The following SLC2A11 variants were observed in gnomAD, a reference collection of about 807,000 sequenced individuals.
SLC2A11 encodes solute carrier family 2 member 11, also known as solute carrier family 2, facilitated glucose transporter member 11.
A neutral mutation model predicts 52.1 loss-of-function variants in SLC2A11; 43 were observed. The observed-to-expected ratio is 0.82, with a 90% confidence interval of 0.65 to 1.06. The LOEUF (loss-of-function observed/expected upper bound fraction) is 1.06. Among genes scored for constraint, SLC2A11 ranks in the 50% least tolerant of loss-of-function variants. The pLI, the probability that SLC2A11 is intolerant of heterozygous loss-of-function variation, is 0.00. For missense variants in SLC2A11, 582 were observed against 654.2 expected (o/e 0.89, Z 1.20); for synonymous variants, 261 against 277.6 (o/e 0.94, Z 0.59).
At chr22:23,867,145 A>G (rs2032292540) in intron 2 of SLC2A11, 1 of 152,590 alleles carries the variant, frequency 6.6e-6, no homozygotes, top group African/African-American at 2.4e-5. Flanking sequence ...TATAATAAGA[A>G]ATATAATAGA....
rs1367729913 is a variant in SLC2A11 at position 23,884,046 on chromosome 22, T to C, written c.1171+22T>C. On this transcript the variant is annotated intron_variant, in intron 10 of 11. Coordinates refer to ENST00000316185, the MANE Select transcript of SLC2A11 (RefSeq NM_001024939.4). The surrounding 1 kb of genome is among the most constrained non-coding windows in gnomAD (Gnocchi z 4.3). ...CCTGGTGAGTGGGCCCAAGGGGCTCTGGGCATCCATCATCACATAGAAGGA... is the reference window on the plus strand; with the variant it reads ...CCTGGTGAGTGGGCCCAAGGGGCTCCGGGCATCCATCATCACATAGAAGGA... The C allele has an allele frequency of 6.2e-7, 1 of 1,606,616 alleles. No individual in the cohort carries two copies. Among genetic ancestry groups the C allele is most frequent in the Middle Eastern group, 1.7e-4 (1 of 6,012 alleles).
intron 2 of SLC2A11, 172 bp from the exon 3 acceptor site, chr22:23,868,309 G>C: frequency 1.5e-6 from 1 of 673,178 alleles, no homozygotes; most frequent in Non-Finnish European, 2.5e-6. Context: ...CCCTGCACAA[G>C]GGAGGTGCTC....
upstream of SLC2A11, chr22:23,857,267 A>G (rs897547757): frequency 1.3e-5 from 10 of 758,364 alleles, no homozygotes; most frequent in African/African-American, 1.6e-4. Flanking sequence ...TAGTCCAGAG[A>G]CTGTAGCAAA....
rs149170664 is a variant in SLC2A11, at chr22:23,884,148, C to T, written c.1171+124C>T. The T allele has an allele frequency of 5.2e-4, 773 of 1,488,296 alleles. 6 individuals are homozygous for T. The East Asian group carries it at 7.8e-3, about 15-fold the overall frequency. The allele number at this position is 1,488,296 out of a possible 1,614,324, so 92.2% of individuals were successfully genotyped here. A position where few individuals can be genotyped will look rare whatever the true frequency, so the allele number is the denominator to read the frequency against. On this transcript the variant is annotated intron_variant, in intron 10 of 11. Coordinates refer to ENST00000316185, the MANE Select transcript of SLC2A11 (RefSeq NM_001024939.4). The surrounding 1 kb of genome is among the most constrained non-coding windows in gnomAD (Gnocchi z 4.3). ...CAGGCCCTCAGAGACCACCTCATGCCGGGGCTTCTGGGAGGGAATGGCAGG... is the reference window on the plus strand; with the variant it reads ...CAGGCCCTCAGAGACCACCTCATGCTGGGGCTTCTGGGAGGGAATGGCAGG...
rs755650171 is a variant in SLC2A11 at position 23,882,634 on chromosome 22, C to T, written c.870C>T (p.Cys290=). ...LVVLGSAMEL[C]GNDSVYAYAS... ...TTCTGGGCAGTGCCATGGAGCTCTG[C>T]GGGAATGACTCGGTGAGACCCCTGC... Residue 290 remains cysteine (C), a synonymous_variant, in exon 7 of 12, where the codon TGC becomes TGT. Transcript: ENST00000316185. 57 of 1,612,020 alleles carry T rather than the reference C, an allele frequency of 3.5e-5. No individual in the cohort carries two copies. The highest frequency in any genetic ancestry group is 4.4e-5 in the Non-Finnish European group (52 of 1,179,178).
intron 1 of SLC2A11, chr22:23,858,256 C>T (rs896991145): frequency 2.9e-6 from 2 of 698,926 alleles, no homozygotes; most frequent in African/African-American, 1.8e-5. Context: ...TGGACCCTGG[C>T]ATCCCAGCCC....
At chr22:23,867,356 A>ATT (rs980736708) in intron 2 of SLC2A11, 76 of 152,834 alleles carry the variant, frequency 5.0e-4, no homozygotes, top group African/African-American at 1.4e-3. Context: ...CACCTGGCTA[A>ATT]TTTTTTTTTT....
chr22:23,883,675 C>T (rs991163647), intron 8 of SLC2A11, 97 bp from the exon 9 acceptor site: 27 of 1,013,106 alleles, frequency 2.7e-5, no homozygotes, highest in Non-Finnish European at 3.5e-5. Flanking sequence ...ACCCTCACCT[C>T]CACCACCAGC....
In SLC2A11 at chr22:23,860,158, C is replaced by T. The variant is rs534497549; in HGVS notation, c.31-1946C>T. On this transcript the variant is annotated intron_variant, in intron 1 of 11. Coordinates refer to ENST00000316185, the MANE Select transcript of SLC2A11 (RefSeq NM_001024939.4). ...AGAGTGGGCTGGGTATGGTGGCTCA[C>T]GCCTGTAATCCTACCACTTTGGGAG... Among the ~76,000 whole-genome samples the T allele has an allele frequency of 5.3e-5, 8 of 152,270 alleles. No homozygotes were observed. The South Asian group carries it at 6.2e-4, about 12-fold the overall frequency.
At chr22:23,876,324 T>C (rs2146131122) in intron 4 of SLC2A11, among the ~76,000 whole-genome samples, 1 of 152,140 alleles carries the variant, frequency 6.6e-6, no homozygotes, top group East Asian at 1.9e-4. Flanking sequence ...GCTAAATGTT[T>C]GTAGGAAGAG....
intron 6 of SLC2A11, 190 bp from the exon 7 acceptor site, chr22:23,882,269 G>GAC: frequency 1.8e-6 from 1 of 548,520 alleles, no homozygotes; most frequent in Non-Finnish European, 3.2e-6. Flanking sequence ...CACACACAGA[G>GAC]ACACACACAG....
chr22:23,878,852 T>C (rs2032710644), intron 6 of SLC2A11, among the ~76,000 whole-genome samples: 1 of 152,226 alleles, frequency 6.6e-6, no homozygotes, highest in Non-Finnish European at 1.5e-5. Context: ...ATATGGGCCT[T>C]TTCTTGATCC....
chr22:23,877,274 T>A, intron 5 of SLC2A11, 103 bp downstream of exon 5: 3 of 1,544,658 alleles, frequency 1.9e-6, no homozygotes, highest in Non-Finnish European at 2.7e-6. Context: ...TAAAGCATTA[T>A]TGCTTTGCAT....
intron 4 of SLC2A11, 120 bp downstream of exon 4, chr22:23,875,361 T>G (rs1273122536): frequency 2.6e-5 from 30 of 1,155,476 alleles, no homozygotes; most frequent in Non-Finnish European, 3.2e-5. Flanking sequence ...TATTTTTTAT[T>G]TATGCCTACC....
At chr22:23,877,299 CTCTA>C in intron 5 of SLC2A11, 128 bp downstream of exon 5, 1 of 1,482,042 alleles carries the variant, frequency 6.7e-7, no homozygotes. Flanking sequence ...GCATCGAATC[CTCTA>C]TCCACATCTC....
At chr22:23,860,306 TG>T (rs1210952251) in intron 1 of SLC2A11, among the ~76,000 whole-genome samples, 1 of 151,938 alleles carries the variant, frequency 6.6e-6, no homozygotes, top group Admixed American at 6.6e-5. Context: ...CCCAGCTACT[TG>T]GGGGGCTGAG....
intron 6 of SLC2A11, among the ~76,000 whole-genome samples, chr22:23,879,187 C>T (rs1409748358): frequency 6.6e-6 from 1 of 152,102 alleles, no homozygotes; most frequent in Non-Finnish European, 1.5e-5. Context: ...CTTGTCCAGG[C>T]TGGAGTGCTG....
At chr22:23,857,755 G>A (rs2031901136), upstream of SLC2A11, 3 of 1,364,564 alleles carry the variant, frequency 2.2e-6, no homozygotes, top group Admixed American at 8.2e-5. Flanking sequence ...CCCGGCCATC[G>A]TTTAGCGTTG....
chr22:23,858,280 ATCC>A, intron 1 of SLC2A11: 1 of 646,166 alleles, frequency 1.5e-6, no homozygotes, highest in South Asian at 1.7e-5. Context: ...GAGATGCTAA[ATCC>A]TCTGCCGATC....
Sources: gnomAD v4.1 joint callset for allele counts (sites outside exome capture counted in the v4.1 genomes callset) on GRCh38, gnomAD v4.1.1 for gene constraint, Gnocchi (gnomAD v3.1) non-coding constraint, MANE v1.5 for transcripts, NCBI Gene and HGNC (gene_info 2026-07-23, HGNC 2026-07-21) for gene names.